VPS13C: variants seen among roughly 807,000 people sequenced by gnomAD.
VPS13C encodes vacuolar protein sorting 13 homolog C.
VPS13C carries 358 observed loss-of-function variants against 456.8 expected under a neutral mutation model. That is an observed-to-expected ratio of 0.78 (90% CI 0.72 to 0.86). VPS13C has a LOEUF of 0.86. VPS13C is among the 40% of genes least tolerant of loss of function. The probability of loss-of-function intolerance (pLI) is 0.00; values close to 1 mark genes in which losing one functional copy is unlikely to be tolerated. For synonymous variants in VPS13C, 1,578 were observed against 1,486.7 expected, an observed-to-expected ratio of 1.06 and a Z score of -1.41; for missense variants, 4,818 against 4,385.4, an observed-to-expected ratio of 1.10 and a Z score of -2.79.
At chr15:62,035,902 G>C (rs2047981160) in intron 3 of VPS13C, among the ~76,000 whole-genome samples, 1 of 151,962 alleles carries the variant, frequency 6.6e-6, no homozygotes, top group Non-Finnish European at 1.5e-5. Flanking sequence ...GGAAAAGCCT[G>C]TTCAGGGAAG....
rs191615579 is a variant in VPS13C, at chr15:61,990,850, T to C, written c.1578+150A>G. Reference sequence around the variant, plus strand: ...AATAAAGTTAGAGAGAGAATTTTAATTGGTAAAACCTGACTGAAACATTCA... The same window carrying C: ...AATAAAGTTAGAGAGAGAATTTTAACTGGTAAAACCTGACTGAAACATTCA... On this transcript the variant is annotated intron_variant, in intron 18 of 84. Transcript: ENST00000644861. 5.3e-4 allele frequency: 316 copies of C among 590,658 alleles called. 3 individuals carry two copies. In the East Asian group the frequency reaches 9.3e-3, roughly 17 times the overall value. The allele number at this position is 590,658 out of a possible 1,614,324, so 36.6% of individuals were successfully genotyped here.
At chr15:61,878,910 T>C (rs531130850) in intron 73 of VPS13C, among the ~76,000 whole-genome samples, 164 bp from the exon 74 acceptor site, 2 of 152,202 alleles carry the variant, frequency 1.3e-5, no homozygotes, top group East Asian at 1.9e-4. Context: ...CCACTTACAT[T>C]TGATTCTCTT....
intron 66 of VPS13C, among the ~76,000 whole-genome samples, chr15:61,893,148 T>G (rs2042701525): frequency 6.6e-6 from 1 of 152,258 alleles, no homozygotes; most frequent in East Asian, 1.9e-4. Context: ...ACCAAACGGA[T>G]TCAATCCAAA....
intron 16 of VPS13C, among the ~76,000 whole-genome samples, chr15:61,999,400 G>C (rs754861345): frequency 4.6e-5 from 7 of 151,704 alleles, no homozygotes; most frequent in Non-Finnish European, 7.4e-5. Flanking sequence ...AAAAGAGAGA[G>C]AGAGAGAGAA....
At chr15:62,053,096 G>A (rs770224948) in intron 1 of VPS13C, among the ~76,000 whole-genome samples, 5 of 152,096 alleles carry the variant, frequency 3.3e-5, no homozygotes, top group South Asian at 4.1e-4. Context: ...TTTAAGCACC[G>A]CTTTAACTGG....
rs1476025295 is a variant in VPS13C, at chr15:61,959,490, C to T, written c.4014G>A (p.Lys1338=). 11 of 1,612,868 alleles carry T rather than the reference C, an allele frequency of 6.8e-6. No individual in the cohort carries two copies. The South Asian group carries it at 9.9e-5, about 15-fold the overall frequency. The change falls in exon 36 of 85, where the codon AAG becomes AAA. Residue 1338 remains lysine, a synonymous_variant. Coordinates refer to ENST00000644861, the MANE Select transcript of VPS13C (RefSeq NM_020821.3). Reference sequence around the variant, plus strand: ...GTCCTTTAATTTCCACAACAGGCACCTTGTGGTACCAAGATGCAGCTAGAT... The same window carrying T: ...GTCCTTTAATTTCCACAACAGGCACTTTGTGGTACCAAGATGCAGCTAGAT... ...NRNLAASWYH[K]VPVVEIKGHL...
intron 15 of VPS13C, among the ~76,000 whole-genome samples, chr15:62,000,914 A>C (rs1052993880): frequency 1.3e-5 from 2 of 152,212 alleles, no homozygotes; most frequent in African/African-American, 4.8e-5. Context: ...GAAAACAAGA[A>C]TATTTAGGAA....
Position 62,006,108 on chromosome 15 carries a change from T to TATTA in VPS13C, c.1290+1199_1290+1200insTAAT, listed in dbSNP as rs71293976. On this transcript the variant is annotated intron_variant, in intron 15 of 84. Coordinates refer to ENST00000644861, the MANE Select transcript of VPS13C (RefSeq NM_020821.3). ...TTTTTAAAGAAATTCTTATTTTTTT[T>TATTA]TTATTATTATTATACTTTAAGTTCT... 6.6e-5 allele frequency among the ~76,000 whole-genome samples: 10 copies of TATTA among 151,388 alleles called. No homozygotes were observed. In the South Asian group the frequency reaches 1.9e-3, roughly 28 times the overall value.
At chr15:61,922,303 A>C in intron 54 of VPS13C, 94 bp downstream of exon 54, 1 of 1,445,212 alleles carries the variant, frequency 6.9e-7, no homozygotes, top group Non-Finnish European at 9.3e-7. Flanking sequence ...ATATGTACTC[A>C]TAGTGGCCAT....
intron 20 of VPS13C, 64 bp from the exon 21 acceptor site, chr15:61,982,637 A>T: frequency 1.8e-6 from 2 of 1,127,644 alleles, no homozygotes; most frequent in Non-Finnish European, 2.6e-6. Context: ...GTAAACTTCA[A>T]AGTTTCACCT....
At chr15:61,865,296 A>T in intron 81 of VPS13C, 1 of 980,324 alleles carries the variant, frequency 1.0e-6, no homozygotes, top group Non-Finnish European at 1.2e-6. Context: ...TTATTACAGC[A>T]TTATTACTGT....
Position 61,890,413 on chromosome 15 carries a change from A to C in VPS13C, c.9106-13T>G, listed in dbSNP as rs898339711. ...GTCCACATCCATCCTGGGAAGAAGA[A>C]AGACTTCATTAAACCCACACATAGT... On this transcript the variant is annotated splice_polypyrimidine_tract_variant and intron_variant, in intron 66 of 84. Coordinates refer to ENST00000644861, the MANE Select transcript of VPS13C (RefSeq NM_020821.3). 9.3e-6 allele frequency: 15 copies of C among 1,609,068 alleles called. No individual in the cohort carries two copies. Among genetic ancestry groups the C allele is most frequent in the Admixed American group, 5.0e-5 (3 of 59,838 alleles).
At chr15:61,992,988 GC>G (rs1290492819) in intron 16 of VPS13C, among the ~76,000 whole-genome samples, 2 of 151,902 alleles carry the variant, frequency 1.3e-5, no homozygotes, top group Non-Finnish European at 2.9e-5. Flanking sequence ...GGAATTAACT[GC>G]TTCAACAGTT....
At chr15:61,857,510 G>A (rs1893985700) in intron 82 of VPS13C, among the ~76,000 whole-genome samples, 1 of 152,168 alleles carries the variant, frequency 6.6e-6, no homozygotes, top group South Asian at 2.1e-4. Context: ...CCATGGTGAA[G>A]CTGCGAGAAA....
Position 61,868,771 on chromosome 15 carries a change from GC to G in VPS13C, c.10750del (p.Ala3584GlnfsTer16). On this transcript the variant is annotated frameshift_variant and splice_region_variant, in exon 81 of 85. Transcript: ENST00000644861. LOFTEE classifies it high-confidence loss of function. ...AGATACTTCCTCAGTTGATTCTGCTGCCCTGAATAAGGCATCAGAGTAAGTG... is the reference window on the plus strand; with the variant it reads ...AGATACTTCCTCAGTTGATTCTGCTGCCTGAATAAGGCATCAGAGTAAGTG... ...ASSTFQGIQR[A>X]AESTEEVSSL... 6.2e-7 allele frequency: 1 copy of G among 1,612,824 alleles called. No homozygotes were observed. Among genetic ancestry groups the G allele is most frequent in the Non-Finnish European group, 8.5e-7 (1 of 1,179,494 alleles).
intron 83 of VPS13C, among the ~76,000 whole-genome samples, chr15:61,856,017 A>G (rs1442945801): frequency 6.6e-6 from 1 of 152,078 alleles, no homozygotes; most frequent in Non-Finnish European, 1.5e-5. Flanking sequence ...AACCTCTCCT[A>G]TTTACTAATG....
At chr15:62,037,353 TATA>T (rs2048080204) in intron 3 of VPS13C, among the ~76,000 whole-genome samples, 1 of 87,890 alleles carries the variant, frequency 1.1e-5, no homozygotes, top group African/African-American at 4.3e-5. Context: ...ATATATTATA[TATA>T]AATGTATATA....
Position 61,863,537 on chromosome 15 carries a change from G to A in VPS13C, c.10864-9C>T. ...AACTTTTTGATATGATTCTGAAAAG[G>A]AAACCAGGCTCTAGATTTGGGAAGT... On this transcript the variant is annotated splice_polypyrimidine_tract_variant and intron_variant, in intron 81 of 84. Transcript: ENST00000644861. 3 of 1,600,942 alleles carry A rather than the reference G, an allele frequency of 1.9e-6. No individual in the cohort carries two copies. Among genetic ancestry groups the A allele is most frequent in the Non-Finnish European group, 2.6e-6 (3 of 1,168,676 alleles).
rs775473585 is a variant in VPS13C at position 61,878,764 on chromosome 15, T to C, written c.10003-18A>G. The C allele has an allele frequency of 8.8e-6, 14 of 1,594,516 alleles. No individual in the cohort carries two copies. Among genetic ancestry groups the C allele is most frequent in the African/African-American group, 2.7e-5 (2 of 73,896 alleles). On this transcript the variant is annotated intron_variant, in intron 73 of 84. Coordinates refer to ENST00000644861, the MANE Select transcript of VPS13C (RefSeq NM_020821.3). ...AAATGCAACTAAAAGAAAAATAATG[T>C]TCAATAAATGAAAGCTAAAAGTGAA...
Sources: gnomAD v4.1 joint callset for allele counts (sites outside exome capture counted in the v4.1 genomes callset) on GRCh38, gnomAD v4.1.1 for gene constraint, MANE v1.5 for transcripts, NCBI Gene and HGNC (gene_info 2026-07-23, HGNC 2026-07-21) for gene names.